Variants in MAP2K1 observed in about 807,000 individuals in gnomAD.
The protein encoded by MAP2K1 is dual specificity mitogen-activated protein kinase kinase 1.
Under a neutral mutation model 46.3 loss-of-function variants are expected in MAP2K1, and 16 were observed. That is an observed-to-expected ratio of 0.35 (90% CI 0.23 to 0.52). The LOEUF (loss-of-function observed/expected upper bound fraction) is 0.52. MAP2K1 is among the 20% of genes least tolerant of loss of function. The pLI is 0.94. For synonymous variants in MAP2K1, 183 were observed against 185.6 expected (o/e 0.99, Z 0.11); for missense variants, 263 against 497.1 (o/e 0.53, Z 4.48).
intron 1 of MAP2K1, among the ~76,000 whole-genome samples, chr15:66,397,091 G>T (rs1219070813): frequency 1.5e-5 from 2 of 130,854 alleles, no homozygotes; most frequent in Non-Finnish European, 3.1e-5. Flanking sequence ...TGCAAGCTCC[G>T]CCTCCTGGGT....
At position 66,395,529 on chromosome 15, in the gene MAP2K1, G is replaced by T. The variant is rs980277997; in HGVS notation, c.80+8102G>T. ...ACATCTGTCTGGTCTTGCTGACATGGTTTTTTTTTTTGTCTGAAATGCCCT... is the reference window on the plus strand; with the variant it reads ...ACATCTGTCTGGTCTTGCTGACATGTTTTTTTTTTTTGTCTGAAATGCCCT... On this transcript the variant is annotated intron_variant, in intron 1 of 10. Coordinates refer to ENST00000307102, the MANE Select transcript of MAP2K1 (RefSeq NM_002755.4). Among the ~76,000 whole-genome samples the T allele has an allele frequency of 1.6e-4, 23 of 140,774 alleles. No individual in the cohort carries two copies. The East Asian group carries it at 4.2e-3, about 26-fold the overall frequency. The allele number at this position is 140,774 out of a possible 152,430, so 92.4% of individuals were successfully genotyped here.
At chr15:66,399,831 G>A (rs756168257) in intron 1 of MAP2K1, among the ~76,000 whole-genome samples, 104 of 152,098 alleles carry the variant, frequency 6.8e-4, no homozygotes, top group Middle Eastern at 3.4e-3. Flanking sequence ...TCTTGACCTC[G>A]TGATCCGCCC....
intron 5 of MAP2K1, among the ~76,000 whole-genome samples, chr15:66,471,859 G>A (rs976694106): frequency 3.9e-5 from 6 of 151,952 alleles, no homozygotes; most frequent in African/African-American, 1.5e-4. Flanking sequence ...CGGGCAGTTC[G>A]TGAGGTCAAG....
intron 5 of MAP2K1, among the ~76,000 whole-genome samples, chr15:66,478,325 G>A (rs1892812264): frequency 7.1e-6 from 1 of 141,102 alleles, no homozygotes. Flanking sequence ...ATATATATAT[G>A]TTATATATAC....
At chr15:66,488,918 T>C (rs1219883351) in intron 8 of MAP2K1, 2 of 493,194 alleles carry the variant, frequency 4.1e-6, no homozygotes, top group East Asian at 7.6e-5. Flanking sequence ...AAGAGTAAAC[T>C]GAGGCTCATA....
chr15:66,400,856 G>A (rs911682013), intron 1 of MAP2K1, among the ~76,000 whole-genome samples: 2 of 152,198 alleles, frequency 1.3e-5, no homozygotes, highest in Non-Finnish European at 2.9e-5. Context: ...GTCACCTGGA[G>A]GTTGAAGAGA....
chr15:66,425,241 C>T (rs565904714), intron 1 of MAP2K1, among the ~76,000 whole-genome samples: 1 of 152,210 alleles, frequency 6.6e-6, no homozygotes, highest in African/African-American at 2.4e-5. Flanking sequence ...TGTATACCTC[C>T]TTCAGCAGTT....
chr15:66,420,050 C>A (rs1301575093), intron 1 of MAP2K1, among the ~76,000 whole-genome samples: 1 of 150,746 alleles, frequency 6.6e-6, no homozygotes. Context: ...TCGAGACCAC[C>A]CTGGCCAATG....
intron 5 of MAP2K1, among the ~76,000 whole-genome samples, chr15:66,454,081 C>G (rs1049615373): frequency 2.6e-5 from 4 of 152,190 alleles, no homozygotes; most frequent in African/African-American, 7.2e-5. Flanking sequence ...GGTCCTCTTT[C>G]CCCATCCTCT....
chr15:66,432,199 C>G (rs943779612), intron 1 of MAP2K1, among the ~76,000 whole-genome samples: 1 of 152,164 alleles, frequency 6.6e-6, no homozygotes, highest in African/African-American at 2.4e-5. Flanking sequence ...CTCCAGTCCT[C>G]ATCCATACAC....
chr15:66,415,772 A>G (rs997863302), intron 1 of MAP2K1, among the ~76,000 whole-genome samples: 1 of 152,250 alleles, frequency 6.6e-6, no homozygotes, highest in Non-Finnish European at 1.5e-5. Flanking sequence ...TTTTCGTTAA[A>G]CAAAACATAC....
chr15:66,476,691 G>A (rs78135660), intron 5 of MAP2K1, among the ~76,000 whole-genome samples: 27,217 of 152,170 alleles, frequency 0.18, 3,104 homozygotes, highest in Middle Eastern at 0.29. Context: ...ACTGTGCTCT[G>A]AGGCAGAGGG....
At chr15:66,410,305 A>G (rs1037090523) in intron 1 of MAP2K1, among the ~76,000 whole-genome samples, 3 of 152,186 alleles carry the variant, frequency 2.0e-5, no homozygotes, top group Non-Finnish European at 4.4e-5. Context: ...TTCTCTTGAC[A>G]TATCTTTGGT....
intron 1 of MAP2K1, among the ~76,000 whole-genome samples, chr15:66,404,025 CTCTT>C (rs2093389402): frequency 1.3e-5 from 2 of 150,542 alleles, no homozygotes; most frequent in African/African-American, 4.8e-5. Context: ...ATTTCAGCTC[CTCTT>C]TCTTGGAGTC....
Position 66,423,400 on chromosome 15 carries a change from A to C in MAP2K1, c.81-11627A>C, listed in dbSNP as rs576842892. ...TCTCTTGATAAGGTTGTTCCCCCCC[A>C]TCCCACTTCCCAACCCTTCTTGATT... On this transcript the variant is annotated intron_variant, in intron 1 of 10. Coordinates refer to ENST00000307102, the MANE Select transcript of MAP2K1 (RefSeq NM_002755.4). Among the ~76,000 whole-genome samples the C allele has an allele frequency of 2.1e-5, 3 of 146,162 alleles. No individual in the cohort carries two copies. In the East Asian group the frequency reaches 5.9e-4, roughly 29 times the overall value.
At chr15:66,443,552 C>T (rs1022010508) in intron 4 of MAP2K1, among the ~76,000 whole-genome samples, 195 bp downstream of exon 4, 2 of 137,948 alleles carry the variant, frequency 1.4e-5, no homozygotes, top group Non-Finnish European at 3.1e-5. Context: ...AGAAAAGTGA[C>T]TTTCTTTATA....
At chr15:66,463,249 C>A (rs563277623) in intron 5 of MAP2K1, among the ~76,000 whole-genome samples, 3 of 152,128 alleles carry the variant, frequency 2.0e-5, no homozygotes, top group Non-Finnish European at 4.4e-5. Flanking sequence ...GTAGGATATA[C>A]GTGAAGAGAG....
intron 1 of MAP2K1, among the ~76,000 whole-genome samples, chr15:66,422,136 A>G (rs552008622): frequency 6.6e-6 from 1 of 152,318 alleles, no homozygotes; most frequent in African/African-American, 2.4e-5. Context: ...TGCATGAACA[A>G]CATGAAAACG....
rs1035704754 is a variant in MAP2K1 at position 66,453,361 on chromosome 15, A to G, written c.568+8654A>G. 80 of 636,480 alleles carry G rather than the reference A, an allele frequency of 1.3e-4. No individual in the cohort carries two copies. In the African/African-American group the frequency reaches 1.4e-3, roughly 11 times the overall value. The allele number at this position is 636,480 out of a possible 1,614,324, so 39.4% of individuals were successfully genotyped here. On this transcript the variant is annotated intron_variant, in intron 5 of 10. Transcript: ENST00000307102. ...AACAGATGTCTTTGATGGAGAGTTTACCACTTGCACAGCCAAGAAAGGGAA... is the reference window on the plus strand; with the variant it reads ...AACAGATGTCTTTGATGGAGAGTTTGCCACTTGCACAGCCAAGAAAGGGAA...
Sources: gnomAD v4.1 joint callset for allele counts (sites outside exome capture counted in the v4.1 genomes callset) on GRCh38, gnomAD v4.1.1 for gene constraint, MANE v1.5 for transcripts, NCBI Gene and HGNC (gene_info 2026-07-23, HGNC 2026-07-21) for gene names.